Variants in LTBP1 observed in about 807,000 individuals in gnomAD.
The protein encoded by LTBP1 is latent-transforming growth factor beta-binding protein 1.
Under a neutral mutation model 207.6 loss-of-function variants are expected in LTBP1, and 129 were observed. The observed-to-expected ratio is 0.62, with a 90% CI of 0.54 to 0.72. LTBP1 has a LOEUF of 0.72. Among genes scored for constraint, LTBP1 ranks in the 30% least tolerant of loss-of-function variants. The pLI is 0.00. For synonymous variants in LTBP1, 963 were observed against 833.7 expected (o/e 1.16, Z -2.67); for missense variants, 2,281 against 2,217.2 (o/e 1.03, Z -0.58).
intron 7 of LTBP1, among the ~76,000 whole-genome samples, chr2:33,210,026 G>A (rs1349770873): frequency 1.3e-5 from 2 of 152,238 alleles, no homozygotes; most frequent in African/African-American, 2.4e-5. Context: ...ATTTTCAAAA[G>A]CTGCCCTCTT....
chr2:33,178,209 G>T (rs76017465), intron 5 of LTBP1, among the ~76,000 whole-genome samples: 1 of 152,172 alleles, frequency 6.6e-6, no homozygotes, highest in African/African-American at 2.4e-5. Flanking sequence ...TTTTCCTAAG[G>T]GGGACAGAGC....
chr2:33,380,812 C>T (rs1016687544), intron 31 of LTBP1, among the ~76,000 whole-genome samples: 3 of 152,160 alleles, frequency 2.0e-5, no homozygotes, highest in Non-Finnish European at 2.9e-5. Flanking sequence ...GCATTTACTA[C>T]GTTGACGATG....
intron 7 of LTBP1, among the ~76,000 whole-genome samples, chr2:33,192,931 A>G (rs1366218040): frequency 6.6e-6 from 1 of 152,200 alleles, no homozygotes; most frequent in East Asian, 1.9e-4. Flanking sequence ...CACTCCCAAG[A>G]TAATGACATT....
intron 7 of LTBP1, among the ~76,000 whole-genome samples, chr2:33,206,248 A>C (rs761836429): frequency 6.6e-5 from 10 of 152,190 alleles, no homozygotes; most frequent in Non-Finnish European, 1.5e-4. Context: ...ATGACTTGCA[A>C]CCAAACCACA....
At chr2:33,168,008 C>T (rs182279360) in intron 5 of LTBP1, among the ~76,000 whole-genome samples, 4 of 152,214 alleles carry the variant, frequency 2.6e-5, no homozygotes, top group African/African-American at 7.2e-5. Flanking sequence ...TTGCTACCAT[C>T]GAAGTTTATG....
intron 3 of LTBP1, among the ~76,000 whole-genome samples, chr2:33,061,246 A>G (rs1238059251): frequency 2.0e-5 from 3 of 152,156 alleles, no homozygotes; most frequent in Admixed American, 6.5e-5. Flanking sequence ...TCAGACTAAG[A>G]TGCACACATC....
chr2:33,229,949 A>G (rs981185079), intron 9 of LTBP1, among the ~76,000 whole-genome samples: 3 of 152,362 alleles, frequency 2.0e-5, no homozygotes, highest in Admixed American at 6.5e-5. Context: ...TTGACTCATA[A>G]TATGATTTCA....
At chr2:33,148,705 T>G (rs1218711954) in intron 5 of LTBP1, among the ~76,000 whole-genome samples, 2 of 152,232 alleles carry the variant, frequency 1.3e-5, no homozygotes, top group African/African-American at 4.8e-5. Flanking sequence ...CTCACTCTGT[T>G]ACTCTGAAAT....
In LTBP1 at chr2:33,264,771, T is replaced by C. The variant is rs1044670379; in HGVS notation, c.2617+1379T>C. Among the ~76,000 whole-genome samples the C allele has an allele frequency of 1.4e-4, 21 of 152,300 alleles. No individual in the cohort carries two copies. In the East Asian group the frequency reaches 3.9e-3, roughly 28 times the overall value. On this transcript the variant is annotated intron_variant, in intron 15 of 33. Transcript: ENST00000404816. ...CTCTCTCACATTGCTAAAGGGAGTA[T>C]GTGTTGGGGTTCTCCAGAGAGACAG...
chr2:33,072,887 A>G (rs2077867997), intron 3 of LTBP1, among the ~76,000 whole-genome samples: 1 of 152,184 alleles, frequency 6.6e-6, no homozygotes, highest in Non-Finnish European at 1.5e-5. Context: ...ATTATGTCTT[A>G]TGGTCTACCA....
At chr2:33,102,956 C>G (rs970836190) in intron 3 of LTBP1, among the ~76,000 whole-genome samples, 2 of 151,858 alleles carry the variant, frequency 1.3e-5, no homozygotes, top group Admixed American at 1.3e-4. Context: ...TCGGCATAGT[C>G]TGTATGCTGT....
At chr2:33,028,274 T>C (rs956511719) in intron 3 of LTBP1, among the ~76,000 whole-genome samples, 6 of 152,198 alleles carry the variant, frequency 3.9e-5, no homozygotes, top group Admixed American at 3.3e-4. Context: ...ATCAGGATAA[T>C]GTTTTGGTGC....
chr2:33,128,477 C>T (rs1227775426), intron 4 of LTBP1, among the ~76,000 whole-genome samples: 5 of 152,212 alleles, frequency 3.3e-5, no homozygotes, highest in East Asian at 3.8e-4. Context: ...TCTGCACATC[C>T]GGGTCCTCCA....
At position 33,364,319 on chromosome 2, in the gene LTBP1, G is replaced by A. The variant is rs377214210; in HGVS notation, c.4503G>A (p.Ala1501=). The change falls in exon 30 of 34, where the codon GCG becomes GCA. Residue 1501 remains alanine (A), a synonymous_variant. Coordinates refer to ENST00000404816, the MANE Select transcript of LTBP1 (RefSeq NM_206943.4). ...GTACTCACCCCATGGTCCTGGATGC[G>A]TCAGAAAAAAGATGTATACGACCGG... ...CFCTHPMVLD[A]SEKRCIRPAE... 2.7e-5 allele frequency: 44 copies of A among 1,613,764 alleles called. No individual in the cohort carries two copies. The highest frequency in any genetic ancestry group is 1.8e-4 in the Admixed American group (11 of 59,950).
rs1287979095 is a variant in LTBP1, at chr2:33,248,874, A to G, written c.2000-3803A>G. ...AGTGGTGGGATTACAGGCATGAGCC[A>G]CCGCGCCCAGCCATGAAATGGTTTT... On this transcript the variant is annotated intron_variant, in intron 10 of 33. Coordinates refer to ENST00000404816, the MANE Select transcript of LTBP1 (RefSeq NM_206943.4). 3.9e-5 allele frequency among the ~76,000 whole-genome samples: 6 copies of G among 152,246 alleles called. No individual in the cohort carries two copies. The East Asian group carries it at 7.7e-4, about 20-fold the overall frequency.
At chr2:33,187,500 A>G (rs908859325) in intron 6 of LTBP1, among the ~76,000 whole-genome samples, 5 of 152,244 alleles carry the variant, frequency 3.3e-5, no homozygotes, top group African/African-American at 1.2e-4. Context: ...AGTTGTAAAC[A>G]ATCATTTAAC....
intron 24 of LTBP1, among the ~76,000 whole-genome samples, chr2:33,341,729 A>ATATATATATATATATAT (rs1553509296): frequency 3.2e-4 from 30 of 93,608 alleles, no homozygotes; most frequent in East Asian, 2.6e-3. Context: ...AAAAAAAAAA[A>ATATATATATATATATAT]ATATATATAT....
In LTBP1 at chr2:33,315,589, C is replaced by T. The variant is rs149133044; in HGVS notation, c.3730+320C>T. 3.5e-4 allele frequency among the ~76,000 whole-genome samples: 54 copies of T among 152,312 alleles called. No individual in the cohort carries two copies. The East Asian group carries it at 0.01, about 28-fold the overall frequency. ...GAAAACTGTGGCAACTTCCCTTTCC[C>T]CTGGGACTCTGCTTCTTTTGATTGT... On this transcript the variant is annotated intron_variant, in intron 24 of 33. Coordinates refer to ENST00000404816, the MANE Select transcript of LTBP1 (RefSeq NM_206943.4).
rs190163500 is a variant in LTBP1, at chr2:33,135,559, A to C, written c.1201+599A>C. 2.7e-3 allele frequency among the ~76,000 whole-genome samples: 403 copies of C among 148,796 alleles called. 1 individual carries two copies. The highest frequency in any genetic ancestry group is 4.7e-3 in the Non-Finnish European group (310 of 66,642). ...GAAGACAGACTGGTAGATTACTCTCAGTACTCCTTTTTTACGTGGATTTGG... is the reference window on the plus strand; with the variant it reads ...GAAGACAGACTGGTAGATTACTCTCCGTACTCCTTTTTTACGTGGATTTGG... On this transcript the variant is annotated intron_variant, in intron 5 of 33. Transcript: ENST00000404816.
Sources: allele counts gnomAD v4.1 joint callset (sites outside exome capture counted in the v4.1 genomes callset), GRCh38; gene constraint gnomAD v4.1.1; transcripts MANE v1.5; gene names NCBI Gene and HGNC (gene_info 2026-07-23, HGNC 2026-07-21).